The following CLASP2 variants were observed in gnomAD, a reference collection of about 807,000 sequenced individuals.
CLASP2 encodes the protein cytoplasmic linker associated protein 2.
In CLASP2, 47 loss-of-function variants were observed where a neutral mutation model predicts 194.4. That is an observed-to-expected ratio of 0.24 (90% CI 0.19 to 0.31). The LOEUF is 0.31. CLASP2 is among the 10% of genes least tolerant of loss of function. CLASP2 has a pLI of 1.00. For missense variants in CLASP2, 1,445 were observed against 1,823.6 expected, an observed-to-expected ratio of 0.79 and a Z score of 3.78; for synonymous variants, 619 against 633.5, an observed-to-expected ratio of 0.98 and a Z score of 0.34.
intron 6 of CLASP2, among the ~76,000 whole-genome samples, chr3:33,675,975 G>C (rs1301272439): frequency 2.4e-4 from 37 of 151,292 alleles, no homozygotes; most frequent in Admixed American, 2.3e-3. Flanking sequence ...TCATGGGTAG[G>C]AAGAATCAAT....
At chr3:33,621,899 A>C (rs979808339) in intron 11 of CLASP2, among the ~76,000 whole-genome samples, 1 of 152,158 alleles carries the variant, frequency 6.6e-6, no homozygotes, top group African/African-American at 2.4e-5. Flanking sequence ...TAAAAAATCC[A>C]CCAGTAGGCT....
In CLASP2 at chr3:33,612,048, T is replaced by A. The variant is rs142035502; in HGVS notation, c.1341A>T (p.Ile447=). 1,992 of 1,610,096 alleles carry A rather than the reference T, an allele frequency of 1.2e-3. 2 individuals are homozygous for A. The highest frequency in any genetic ancestry group is 1.5e-3 in the Non-Finnish European group (1,811 of 1,177,480). ...ATGTGCAATTGCTTGTTATTAAAGG[T>A]ATAAGTCTGGGTACATGAGTATGCT... ...IIRHTHVPRL[I]PLITSNCTSK... The change falls in exon 13 of 39, where the codon ATA becomes ATT. Residue 447 remains isoleucine (I), a synonymous_variant. Transcript: ENST00000682230.
At chr3:33,502,864 A>G (rs1575574193) in intron 37 of CLASP2, 2 of 152,340 alleles carry the variant, frequency 1.3e-5, no homozygotes, top group South Asian at 4.1e-4. Context: ...TCATTTTAAT[A>G]TAATTGCAAT....
intron 27 of CLASP2, among the ~76,000 whole-genome samples, chr3:33,565,170 A>G (rs2062471313): frequency 6.6e-6 from 1 of 152,084 alleles, no homozygotes; most frequent in Admixed American, 6.5e-5. Flanking sequence ...TCTTCCTTAT[A>G]ATTTTAATAA....
At chr3:33,552,682 C>T (rs967063785) in intron 29 of CLASP2, among the ~76,000 whole-genome samples, 1 of 152,110 alleles carries the variant, frequency 6.6e-6, no homozygotes, top group Non-Finnish European at 1.5e-5. Context: ...ATGAATCCAT[C>T]GTTTCAGTCA....
intron 29 of CLASP2, among the ~76,000 whole-genome samples, chr3:33,556,439 C>CTTTT (rs145188128): frequency 1.4e-5 from 2 of 143,402 alleles, no homozygotes. Flanking sequence ...TTCTTTCTTT[C>CTTTT]TTTTTTTTTT....
At chr3:33,646,097 AG>A (rs1397670162) in intron 7 of CLASP2, among the ~76,000 whole-genome samples, 1 of 152,130 alleles carries the variant, frequency 6.6e-6, no homozygotes, top group African/African-American at 2.4e-5. Context: ...TGAATATGCC[AG>A]AATCTTTTCC....
intron 7 of CLASP2, among the ~76,000 whole-genome samples, chr3:33,658,340 T>C (rs929229449): frequency 6.6e-6 from 1 of 152,166 alleles, no homozygotes; most frequent in Admixed American, 6.5e-5. Flanking sequence ...AGAACTATAA[T>C]GCCTAATAAG....
At chr3:33,635,069 T>G (rs1252749760) in intron 8 of CLASP2, among the ~76,000 whole-genome samples, 2 of 151,360 alleles carry the variant, frequency 1.3e-5, no homozygotes, top group African/African-American at 2.4e-5. Flanking sequence ...CTGGGCAATA[T>G]GAAGAAACCA....
At chr3:33,665,007 A>G (rs1367920902) in intron 6 of CLASP2, among the ~76,000 whole-genome samples, 1 of 152,114 alleles carries the variant, frequency 6.6e-6, no homozygotes, top group African/African-American at 2.4e-5. Context: ...AGGCTGAGGC[A>G]CAAGAATCGC....
Position 33,619,736 on chromosome 3 carries a change from T to C in CLASP2, c.1184A>G (p.His395Arg). 1 of 1,584,198 alleles carries C rather than the reference T, an allele frequency of 6.3e-7. No homozygotes were observed. The highest frequency in any genetic ancestry group is 8.6e-7 in the Non-Finnish European group (1 of 1,165,800). The stretch of plus-strand genomic sequence containing the variant: ...CTTGTTTCCCAAAACTGTTGAAAGG[T>C]GGCTACAAAGGAAGACAAAAAGTAT... The part of the protein sequence containing the change: ...VVREACITVA[H>R]LSTVLGNKFD... The change falls in exon 12 of 39, where the codon CAC (histidine) becomes CGC (arginine). Residue 395 changes from histidine (H) to arginine (R), a missense_variant and splice_region_variant. Around this residue, in one of 4 missense-constraint regions of CLASP2, gnomAD observed 207 missense variants for 331.4 expected, o/e 0.62. Coordinates refer to ENST00000682230, the MANE Select transcript of CLASP2 (RefSeq NM_001365631.1).
intron 8 of CLASP2, among the ~76,000 whole-genome samples, chr3:33,635,020 G>C (rs891438606): frequency 2.6e-5 from 4 of 152,062 alleles, no homozygotes; most frequent in African/African-American, 9.7e-5. Context: ...GGGAGGCTGA[G>C]CCAGACAGAC....
At chr3:33,603,263 A>G (rs1206514921) in intron 17 of CLASP2, 138 bp from the exon 18 acceptor site, 1 of 821,890 alleles carries the variant, frequency 1.2e-6, no homozygotes, top group Non-Finnish European at 1.8e-6. Flanking sequence ...CAGTACTATT[A>G]AGCATTTTAA....
intron 8 of CLASP2, among the ~76,000 whole-genome samples, chr3:33,633,517 T>C (rs563183151): frequency 6.6e-6 from 1 of 152,158 alleles, no homozygotes; most frequent in East Asian, 1.9e-4. Context: ...AAAGATCAAA[T>C]ACACAAGAAG....
intron 34 of CLASP2, among the ~76,000 whole-genome samples, chr3:33,523,729 T>G (rs2053775662): frequency 6.6e-6 from 1 of 152,222 alleles, no homozygotes; most frequent in African/African-American, 2.4e-5. Context: ...GTTTTCTACA[T>G]AATCTAAGAG....
chr3:33,650,638 G>C (rs754369274), intron 7 of CLASP2, among the ~76,000 whole-genome samples: 1 of 151,972 alleles, frequency 6.6e-6, no homozygotes, highest in South Asian at 2.1e-4. Context: ...GGAGGAGGCA[G>C]GAGAGGGAGA....
intron 10 of CLASP2, among the ~76,000 whole-genome samples, chr3:33,623,513 G>A (rs2077466573): frequency 6.6e-6 from 1 of 151,318 alleles, no homozygotes; most frequent in African/African-American, 2.4e-5. Flanking sequence ...ACATATTAGT[G>A]AGAACATGCA....
Position 33,638,369 on chromosome 3 carries a change from A to G in CLASP2, c.863-5998T>C, listed in dbSNP as rs557357610. ...GCCCAGGCTGTAGTGCAGTGGCGCAATCTCGGCTCACTGCAAGCTCCACCT... is the reference window on the plus strand; with the variant it reads ...GCCCAGGCTGTAGTGCAGTGGCGCAGTCTCGGCTCACTGCAAGCTCCACCT... On this transcript the variant is annotated intron_variant, in intron 8 of 38. Coordinates refer to ENST00000682230, the MANE Select transcript of CLASP2 (RefSeq NM_001365631.1). 3.3e-5 allele frequency among the ~76,000 whole-genome samples: 5 copies of G among 152,226 alleles called. No homozygotes were observed. In the East Asian group the frequency reaches 9.7e-4, roughly 29 times the overall value.
intron 10 of CLASP2, among the ~76,000 whole-genome samples, chr3:33,626,351 A>T (rs2078049493): frequency 6.6e-6 from 1 of 152,144 alleles, no homozygotes; most frequent in African/African-American, 2.4e-5. Context: ...TCATTTGGTA[A>T]ATGTAATTTG....
Sources: allele counts gnomAD v4.1 joint callset (sites outside exome capture counted in the v4.1 genomes callset), GRCh38; gene constraint gnomAD v4.1.1; regional missense constraint gnomAD v4.1.1; transcripts MANE v1.5; gene names NCBI Gene and HGNC (gene_info 2026-07-23, HGNC 2026-07-21).